NKX2-2: variants seen among roughly 807,000 people sequenced by gnomAD.
NKX2-2 encodes the protein homeobox protein Nkx-2.2.
In NKX2-2, 8 loss-of-function variants were observed where a neutral mutation model predicts 24.6. That is an observed-to-expected ratio of 0.32 (90% CI 0.19 to 0.59). The LOEUF (loss-of-function observed/expected upper bound fraction) is 0.59, where lower values mean the gene tolerates loss of function less well. Ranked by LOEUF, NKX2-2 falls within the 20% of genes least tolerant of loss-of-function variation. The pLI is 0.86. For synonymous variants in NKX2-2, 217 were observed against 173.3 expected (o/e 1.25, Z -1.98); for missense variants, 381 against 373.9 (o/e 1.02, Z -0.16).
chr20:21,514,304 T>C (rs990705403), upstream of NKX2-2, among the ~76,000 whole-genome samples: 2 of 151,820 alleles, frequency 1.3e-5, no homozygotes, highest in African/African-American at 2.4e-5. Flanking sequence ...AGATGTGAAA[T>C]TGTGGGTTTT....
rs1212920304 is a variant in NKX2-2 at position 21,513,619 on chromosome 20, G to T, written c.51C>A (p.Asp17Glu). Residue 17 changes from aspartate to glutamate, a missense_variant, in exon 1 of 2, where the codon GAC becomes GAA. By Grantham distance (45) the Asp-to-Glu change is conservative (BLOSUM62 2). Coordinates refer to ENST00000377142, the MANE Select transcript of NKX2-2 (RefSeq NM_002509.4). This position sits in a 1 kb window ranked among gnomAD's most constrained non-coding sequence, Gnocchi z 4.6. Reference sequence around the variant, plus strand: ...CCTCCTCATCGTTGGTGTCCGGCAGGTCTAAGATGTCCTTGACCGAAAACC... The same window carrying T: ...CCTCCTCATCGTTGGTGTCCGGCAGTTCTAAGATGTCCTTGACCGAAAACC... ...KTGFSVKDIL[D>E]LPDTNDEEGS... 6.2e-7 allele frequency: 1 copy of T among 1,609,924 alleles called. No homozygotes were observed.
Position 21,512,283 on chromosome 20 carries a change from C to A in NKX2-2, c.462G>T (p.Ser154=), listed in dbSNP as rs369872520. 18 of 1,613,548 alleles carry A rather than the reference C, an allele frequency of 1.1e-5. No homozygotes were observed. The African/African-American group carries it at 2.0e-4, about 18-fold the overall frequency. ...TGGCCAGGTGTTCGCGCTCGGGCGC[C>A]GACAGGTACCGCTGCTGCCGAAAGC... The part of the protein sequence containing the change: ...ERRFRQQRYL[S]APEREHLASL... Residue 154 remains serine, a synonymous_variant, in exon 2 of 2, where the codon TCG becomes TCT. Transcript: ENST00000377142.
the NKX2-2 span, among the ~76,000 whole-genome samples, chr20:21,519,891 G>A: frequency 1.3e-5 from 2 of 152,150 alleles, no homozygotes; most frequent in Non-Finnish European, 2.9e-5. Context: ...GACCGTGCCC[G>A]GCAGATCTCT....
rs936125654 is a variant in NKX2-2 at position 21,513,141 on chromosome 20, C to G, written c.259+270G>C. Among the ~76,000 whole-genome samples, 2 of 152,104 alleles carry G rather than the reference C, an allele frequency of 1.3e-5. No homozygotes were observed. Among genetic ancestry groups the G allele is most frequent in the Non-Finnish European group, 2.9e-5 (2 of 68,012 alleles). On this transcript the variant is annotated intron_variant, in intron 1 of 1. Transcript: ENST00000377142. The surrounding 1 kb of genome is among the most constrained non-coding windows in gnomAD (Gnocchi z 4.6). ...GGTCCGGGTTGACATCATATACCAG[C>G]CCCTGGGAGGTATAGCCCTTCTCCC... is the stretch of plus-strand genomic sequence containing the variant.
chr20:21,516,255 T>C (rs1980634481), upstream of NKX2-2, among the ~76,000 whole-genome samples: 1 of 152,164 alleles, frequency 6.6e-6, no homozygotes, highest in African/African-American at 2.4e-5. Context: ...AACCCCTTCA[T>C]GTCGACGCTC....
At chr20:21,512,814 C>T (rs1024235706) in intron 1 of NKX2-2, among the ~76,000 whole-genome samples, 12 of 152,186 alleles carry the variant, frequency 7.9e-5, no homozygotes, top group Non-Finnish European at 7.3e-5. Context: ...GGTTTCCTCT[C>T]CGGCGAGACG....
chr20:21,515,141 C>T (rs973412470), upstream of NKX2-2, among the ~76,000 whole-genome samples: 6 of 152,104 alleles, frequency 3.9e-5, no homozygotes, highest in South Asian at 4.1e-4. Context: ...CCTCTTTCCC[C>T]GGGTGGAGGA....
chr20:21,512,670 G>T (rs1168229439), intron 1 of NKX2-2, among the ~76,000 whole-genome samples, 185 bp from the exon 2 acceptor site: 3 of 152,160 alleles, frequency 2.0e-5, no homozygotes, highest in Non-Finnish European at 4.4e-5. Flanking sequence ...GACCTCCCAG[G>T]GTAAAGAGGG....
chr20:21,513,527 A>G lies in NKX2-2; in HGVS notation c.143T>C (p.Leu48Pro). The G allele has an allele frequency of 6.2e-7, 1 of 1,613,254 alleles. No homozygotes were observed. Residue 48 changes from leucine to proline, a missense_variant, in exon 1 of 2, where the codon CTG (leucine) becomes CCG (proline). By Grantham distance (98) the Leu-to-Pro change is moderately conservative. Transcript: ENST00000377142. The surrounding 1 kb of genome is among the most constrained non-coding windows in gnomAD (Gnocchi z 4.6). ...GPEPAKRAGP[L>P]GQGALDAVQS... ...CACCGCGTCCAGGGCGCCCTGCCCC[A>G]GCGGCCCGGCCCTCTTGGCTGGCTC...
the NKX2-2 span, among the ~76,000 whole-genome samples, chr20:21,520,405 T>C: frequency 6.6e-6 from 1 of 152,226 alleles, no homozygotes; most frequent in African/African-American, 2.4e-5. Flanking sequence ...AGGATGTAAA[T>C]AGTAATAGAA....
At chr20:21,516,667 C>T (rs534514546), upstream of NKX2-2, among the ~76,000 whole-genome samples, 2 of 152,302 alleles carry the variant, frequency 1.3e-5, no homozygotes, top group Admixed American at 1.3e-4. Context: ...ATTCCTCAGT[C>T]CTAAGGGGGT....
At chr20:21,515,240 A>T (rs1980598566), upstream of NKX2-2, among the ~76,000 whole-genome samples, 1 of 117,918 alleles carries the variant, frequency 8.5e-6, no homozygotes, top group Non-Finnish European at 1.8e-5. Flanking sequence ...GAGGTGGAGC[A>T]GCGGGAAGGC....
Position 21,513,525 on chromosome 20 carries a change from C to T in NKX2-2, c.145G>A (p.Gly49Arg), listed in dbSNP as rs763256349. 7 of 1,613,140 alleles carry T rather than the reference C, an allele frequency of 4.3e-6. No individual in the cohort carries two copies. In the South Asian group the frequency reaches 4.4e-5, roughly 10 times the overall value. The change falls in exon 1 of 2, where the codon GGG becomes AGG. Residue 49 changes from glycine to arginine, a missense_variant. Around this residue, in one of 3 missense-constraint regions of NKX2-2, gnomAD observed 206 missense variants for 173.1 expected, o/e 1.19. Transcript: ENST00000377142. The surrounding 1 kb of genome is among the most constrained non-coding windows in gnomAD (Gnocchi z 4.6). Reference sequence around the variant, plus strand: ...TGCACCGCGTCCAGGGCGCCCTGCCCCAGCGGCCCGGCCCTCTTGGCTGGC... The same window carrying T: ...TGCACCGCGTCCAGGGCGCCCTGCCTCAGCGGCCCGGCCCTCTTGGCTGGC... ...PEPAKRAGPL[G>R]QGALDAVQSL...
chr20:21,511,447 T>TA lies in NKX2-2; in HGVS notation c.*475dup, dbSNP rs1190024290. 168 of 152,862 alleles carry TA rather than the reference T, an allele frequency of 1.1e-3. 1 individual carries two copies. The highest frequency in any genetic ancestry group is 1.3e-4 in the Non-Finnish European group (9 of 68,378). 9.5% of individuals were successfully genotyped at this position (152,862 alleles called of 1,614,324 possible). A position where few individuals can be genotyped will look rare whatever the true frequency, so the allele number is the denominator to read the frequency against. On this transcript the variant is annotated 3_prime_UTR_variant, in exon 2 of 2. Coordinates refer to ENST00000377142, the MANE Select transcript of NKX2-2 (RefSeq NM_002509.4). ...TATTTAGCATTTTCTTATTTTTTTT[T>TA]AAAAAAAGGAAGAAATTCTCTGTAT...
upstream of NKX2-2, among the ~76,000 whole-genome samples, chr20:21,514,570 A>G (rs1179180784): frequency 2.0e-5 from 3 of 152,182 alleles, no homozygotes; most frequent in Non-Finnish European, 4.4e-5. Flanking sequence ...ATCCTCTTTA[A>G]CATTCACCGG....
rs1039843824 is a variant in NKX2-2 at position 21,513,303 on chromosome 20, G to A, written c.259+108C>T. On this transcript the variant is annotated intron_variant, in intron 1 of 1. Transcript: ENST00000377142. This position sits in a 1 kb window ranked among gnomAD's most constrained non-coding sequence, Gnocchi z 4.6. ...TCTTTCTACGGATCCGAGTGAGGGGGTCCGGGCTTACATGGCCCCTTCCCC... is the reference window on the plus strand; with the variant it reads ...TCTTTCTACGGATCCGAGTGAGGGGATCCGGGCTTACATGGCCCCTTCCCC... The A allele has an allele frequency of 8.2e-6, 10 of 1,216,244 alleles. No homozygotes were observed. Among genetic ancestry groups the A allele is most frequent in the South Asian group, 1.8e-5 (1 of 55,892 alleles). 75.3% of individuals were successfully genotyped at this position (1,216,244 alleles called of 1,614,324 possible).
rs1482658028 is a variant in NKX2-2 at position 21,513,028 on chromosome 20, TACCCGG to T, written c.259+377_259+382del. 1.3e-5 allele frequency among the ~76,000 whole-genome samples: 2 copies of T among 152,160 alleles called. No homozygotes were observed. Among genetic ancestry groups the T allele is most frequent in the Non-Finnish European group, 2.9e-5 (2 of 68,028 alleles). On this transcript the variant is annotated intron_variant, in intron 1 of 1. Coordinates refer to ENST00000377142, the MANE Select transcript of NKX2-2 (RefSeq NM_002509.4). The surrounding 1 kb of genome is among the most constrained non-coding windows in gnomAD (Gnocchi z 4.6). Reference sequence around the variant, plus strand: ...CCGAAGCCTCCCCACCCTCCACCCGTACCCGGACGAGGCTCGCTGGCTACCTCCAGG... The same window carrying T: ...CCGAAGCCTCCCCACCCTCCACCCGTACGAGGCTCGCTGGCTACCTCCAGG...
chr20:21,519,151 G>T, the NKX2-2 span, among the ~76,000 whole-genome samples: 1 of 152,094 alleles, frequency 6.6e-6, no homozygotes, highest in African/African-American at 2.4e-5. Flanking sequence ...AAACACACAA[G>T]GTCTTTTCCC....
At chr20:21,519,444 G>A in the NKX2-2 span, among the ~76,000 whole-genome samples, 1 of 152,202 alleles carries the variant, frequency 6.6e-6, no homozygotes, top group African/African-American at 2.4e-5. Context: ...TTTGTCGGAG[G>A]GGGAAGGTTT....
Sources: gnomAD v4.1 joint callset for allele counts (sites outside exome capture counted in the v4.1 genomes callset) on GRCh38, gnomAD v4.1.1 for gene constraint, gnomAD v4.1.1 regional missense constraint, Gnocchi (gnomAD v3.1) non-coding constraint, MANE v1.5 for transcripts, NCBI Gene and HGNC (gene_info 2026-07-23, HGNC 2026-07-21) for gene names.